Variants in CAB39 observed in about 807,000 individuals in gnomAD.
The protein encoded by CAB39 is calcium binding protein 39, also known as calcium-binding protein 39.
A neutral mutation model predicts 40.0 loss-of-function variants in CAB39; 8 were observed. The ratio of observed to expected loss-of-function variants is 0.20; its 90% CI spans 0.12 to 0.36. The LOEUF (loss-of-function observed/expected upper bound fraction) is 0.36. CAB39 is among the 10% of genes least tolerant of loss of function. The probability of loss-of-function intolerance (pLI) is 1.00; values close to 1 mark genes in which losing one functional copy is unlikely to be tolerated. For synonymous variants in CAB39, 156 were observed against 141.6 expected (o/e 1.10, Z -0.72); for missense variants, 270 against 401.1 (o/e 0.67, Z 2.79).
intron 1 of CAB39, among the ~76,000 whole-genome samples, chr2:230,749,402 T>C (rs1695045919): frequency 6.6e-6 from 1 of 152,156 alleles, no homozygotes; most frequent in South Asian, 2.1e-4. Flanking sequence ...GAAATGATCA[T>C]GTATTGATTT....
At chr2:230,734,653 C>T (rs1559592209) in intron 1 of CAB39, among the ~76,000 whole-genome samples, 1 of 152,228 alleles carries the variant, frequency 6.6e-6, no homozygotes, top group East Asian at 1.9e-4. Context: ...GTTATTTGAC[C>T]CAGACCACAT....
At position 230,713,066 on chromosome 2, in the gene CAB39, GC is replaced by G. The variant is rs1694276054; in HGVS notation, c.-206del. On this transcript the variant is annotated 5_prime_UTR_variant, in exon 1 of 9. Coordinates refer to ENST00000258418, the MANE Select transcript of CAB39 (RefSeq NM_016289.4). ...GCCGTCCGCCCGCGCAGCCGCCGCC[GC>G]CGCGGGAGCCCGTCGCCGGGAGCAG... is the stretch of plus-strand genomic sequence containing the variant. 6.6e-6 allele frequency: 1 copy of G among 151,308 alleles called. No homozygotes were observed. The highest frequency in any genetic ancestry group is 6.6e-5 in the Admixed American group (1 of 15,166). 9.4% of individuals were successfully genotyped at this position (151,308 alleles called of 1,614,324 possible).
At chr2:230,748,831 A>T (rs3029377) in intron 1 of CAB39, among the ~76,000 whole-genome samples, 846 of 27,892 alleles carry the variant, frequency 0.03, 22 homozygotes, top group East Asian at 0.067. Context: ...AAAAAAAAAA[A>T]ATATATATAT....
chr2:230,797,780 T>C (rs1696015612), intron 4 of CAB39, among the ~76,000 whole-genome samples: 1 of 152,016 alleles, frequency 6.6e-6, no homozygotes, highest in East Asian at 1.9e-4. Flanking sequence ...AAGGAGAACA[T>C]GAAAGGTTTT....
intron 2 of CAB39, among the ~76,000 whole-genome samples, chr2:230,774,218 T>G (rs555573954): frequency 3.3e-5 from 5 of 152,352 alleles, no homozygotes; most frequent in Admixed American, 3.3e-4. Flanking sequence ...CCTGGGCTTT[T>G]TCCATCCATT....
chr2:230,770,117 AAAAC>A (rs2124930201), intron 2 of CAB39, among the ~76,000 whole-genome samples: 1 of 152,316 alleles, frequency 6.6e-6, no homozygotes, highest in South Asian at 2.1e-4. Context: ...AAAAACTAGA[AAAAC>A]AAGAGCAAAT....
chr2:230,713,731 G>C (rs1038224752), intron 1 of CAB39: 1 of 152,320 alleles, frequency 6.6e-6, no homozygotes, highest in Non-Finnish European at 1.5e-5. Context: ...GCGTTCTGGA[G>C]TTCAATGGAA....
At chr2:230,804,917 A>G (rs1391049404) in intron 5 of CAB39, among the ~76,000 whole-genome samples, 1 of 152,238 alleles carries the variant, frequency 6.6e-6, no homozygotes, top group Non-Finnish European at 1.5e-5. Context: ...AAAGGATTAC[A>G]AATCATACTA....
At chr2:230,715,298 C>A (rs540349171) in intron 1 of CAB39, among the ~76,000 whole-genome samples, 2 of 152,300 alleles carry the variant, frequency 1.3e-5, no homozygotes, top group African/African-American at 4.8e-5. Flanking sequence ...CTAGTGTGGA[C>A]AGAACTTTTT....
intron 2 of CAB39, among the ~76,000 whole-genome samples, chr2:230,769,879 G>C (rs1161419096): frequency 6.6e-6 from 1 of 151,150 alleles, no homozygotes; most frequent in East Asian, 1.9e-4. Context: ...GATCGCTTGA[G>C]CCCAGGGGTG....
rs117897007 is a variant in CAB39, at chr2:230,738,514, A to G, written c.-43-21445A>G. ...GTTGATGTGGAGGAGTGGAGTGGAA[A>G]GAATATGTTGATTGGTTAGGAAAAT... On this transcript the variant is annotated intron_variant, in intron 1 of 8. Coordinates refer to ENST00000258418, the MANE Select transcript of CAB39 (RefSeq NM_016289.4). 2.6e-5 allele frequency among the ~76,000 whole-genome samples: 4 copies of G among 152,328 alleles called. No homozygotes were observed. In the East Asian group the frequency reaches 7.7e-4, roughly 29 times the overall value.
At chr2:230,724,524 A>C (rs1694520260) in intron 1 of CAB39, among the ~76,000 whole-genome samples, 1 of 151,838 alleles carries the variant, frequency 6.6e-6, no homozygotes, top group Non-Finnish European at 1.5e-5. Flanking sequence ...TCCACTAAAA[A>C]TACAAAATTA....
chr2:230,720,698 G>A (rs770347967), intron 1 of CAB39, among the ~76,000 whole-genome samples: 10 of 152,206 alleles, frequency 6.6e-5, no homozygotes, highest in Non-Finnish European at 1.5e-4. Context: ...GGGGTTACAG[G>A]CGTGAGCCAC....
intron 1 of CAB39, among the ~76,000 whole-genome samples, chr2:230,720,754 A>G (rs923657143): frequency 6.6e-6 from 1 of 152,154 alleles, no homozygotes; most frequent in South Asian, 2.1e-4. Flanking sequence ...GCTAGGTACT[A>G]AAGGCCAGGC....
rs536036562 is a variant in CAB39, at chr2:230,785,552, G to C, written c.115-5320G>C. On this transcript the variant is annotated intron_variant, in intron 2 of 8. Transcript: ENST00000258418. Reference sequence around the variant, plus strand: ...GCAGGGTGAGTTCCTAAGAACGCATGGGGGTGGGGAGATCCAAAAGCAGAT... The same window carrying C: ...GCAGGGTGAGTTCCTAAGAACGCATCGGGGTGGGGAGATCCAAAAGCAGAT... Among the ~76,000 whole-genome samples the C allele has an allele frequency of 6.1e-4, 93 of 152,172 alleles. 1 individual carries two copies. Among genetic ancestry groups the C allele is most frequent in the East Asian group, 3.9e-4 (2 of 5,176 alleles).
intron 6 of CAB39, among the ~76,000 whole-genome samples, chr2:230,812,906 G>A (rs899850621): frequency 6.6e-6 from 1 of 152,198 alleles, no homozygotes; most frequent in Non-Finnish European, 1.5e-5. Flanking sequence ...AGCATGGGAT[G>A]TGTTCCAGAA....
intron 1 of CAB39, among the ~76,000 whole-genome samples, chr2:230,720,431 AGTT>A (rs1694428073): frequency 6.6e-6 from 1 of 152,116 alleles, no homozygotes; most frequent in Non-Finnish European, 1.5e-5. Context: ...TTGGTCCACA[AGTT>A]GTTTGTTTGT....
intron 2 of CAB39, among the ~76,000 whole-genome samples, chr2:230,785,845 G>C (rs1322260559): frequency 6.6e-6 from 1 of 151,638 alleles, no homozygotes; most frequent in Non-Finnish European, 1.5e-5. Flanking sequence ...ACCACACTCA[G>C]CTAACTTTTG....
intron 5 of CAB39, among the ~76,000 whole-genome samples, chr2:230,806,908 G>T (rs555640697): frequency 6.6e-6 from 1 of 152,134 alleles, no homozygotes; most frequent in Non-Finnish European, 1.5e-5. Flanking sequence ...GGGATCCCAG[G>T]GCTGTCTTAG....
Sources: gnomAD v4.1 joint callset for allele counts (sites outside exome capture counted in the v4.1 genomes callset) on GRCh38, gnomAD v4.1.1 for gene constraint, MANE v1.5 for transcripts, NCBI Gene and HGNC (gene_info 2026-07-23, HGNC 2026-07-21) for gene names.